Variants in GPR158 observed in about 807,000 individuals in gnomAD.
GPR158 encodes metabotropic glycine receptor.
Under a neutral mutation model 78.2 loss-of-function variants are expected in GPR158, and 30 were observed. The ratio of observed to expected loss-of-function variants is 0.38; its 90% CI spans 0.29 to 0.52. The LOEUF is 0.52. Ranked by LOEUF, GPR158 falls within the 20% of genes least tolerant of loss-of-function variation. The pLI, the probability that GPR158 is intolerant of heterozygous loss-of-function variation, is 0.83. For synonymous variants in GPR158, 581 were observed against 591.1 expected (o/e 0.98, Z 0.25); for missense variants, 1,463 against 1,523.5 (o/e 0.96, Z 0.66).
intron 2 of GPR158, among the ~76,000 whole-genome samples, chr10:25,256,796 G>C (rs1216014867): frequency 3.9e-5 from 6 of 152,150 alleles, no homozygotes; most frequent in Admixed American, 6.6e-5. Flanking sequence ...CAGCAAATCT[G>C]CAGATGAAAC....
chr10:25,411,016 G>T (rs1465912445), intron 3 of GPR158, among the ~76,000 whole-genome samples: 3 of 151,764 alleles, frequency 2.0e-5, no homozygotes, highest in African/African-American at 7.3e-5. Flanking sequence ...GTTAATCAAA[G>T]TTGTGTTATA....
Position 25,412,487 on chromosome 10 carries a change from C to A in GPR158, c.1335+14C>A. Reference sequence around the variant, plus strand: ...CGCAAAGCAAAGGTAAACCCAGGAACCCTGGTTATGATCCTGTATTACAGA... The same window carrying A: ...CGCAAAGCAAAGGTAAACCCAGGAAACCTGGTTATGATCCTGTATTACAGA... On this transcript the variant is annotated intron_variant, in intron 4 of 10. Transcript: ENST00000376351. 6.3e-7 allele frequency: 1 copy of A among 1,577,390 alleles called. No homozygotes were observed. Among genetic ancestry groups the A allele is most frequent in the Non-Finnish European group, 8.7e-7 (1 of 1,146,868 alleles).
intron 1 of GPR158, among the ~76,000 whole-genome samples, chr10:25,208,758 C>A (rs1191354746): frequency 6.6e-6 from 1 of 152,080 alleles, no homozygotes; most frequent in Non-Finnish European, 1.5e-5. Flanking sequence ...CCTGAATTAA[C>A]CTGCAAACCC....
intron 3 of GPR158, among the ~76,000 whole-genome samples, chr10:25,408,131 A>T (rs978562693): frequency 2.0e-5 from 3 of 152,238 alleles, no homozygotes; most frequent in Non-Finnish European, 4.4e-5. Context: ...AAATGTTGCC[A>T]ATGTCTTCCT....
At chr10:25,265,359 G>A in intron 2 of GPR158, among the ~76,000 whole-genome samples, 1 of 152,100 alleles carries the variant, frequency 6.6e-6, no homozygotes, top group East Asian at 1.9e-4. Flanking sequence ...GTTCCAGATT[G>A]TGCAGTTTCA....
At chr10:25,594,235 A>T in intron 8 of GPR158, 57 bp from the exon 9 acceptor site, 1 of 867,334 alleles carries the variant, frequency 1.2e-6, no homozygotes, top group East Asian at 2.4e-5. Context: ...AAGTAATCCT[A>T]GTGTTCTAAG....
intron 2 of GPR158, among the ~76,000 whole-genome samples, chr10:25,298,079 C>G (rs1037893225): frequency 6.6e-6 from 1 of 152,120 alleles, no homozygotes; most frequent in Non-Finnish European, 1.5e-5. Flanking sequence ...AATATTTAAA[C>G]AATAAGTGCT....
At chr10:25,309,805 G>A (rs1378467673) in intron 2 of GPR158, among the ~76,000 whole-genome samples, 1 of 152,144 alleles carries the variant, frequency 6.6e-6, no homozygotes, top group African/African-American at 2.4e-5. Flanking sequence ...CTGCCACCAT[G>A]TAAGATGTGC....
At chr10:25,321,937 G>A (rs1467277812) in intron 2 of GPR158, among the ~76,000 whole-genome samples, 1 of 152,070 alleles carries the variant, frequency 6.6e-6, no homozygotes. Context: ...AAAAGAGAGT[G>A]AAAATGTTTA....
At chr10:25,581,703 C>T (rs1005632447) in intron 7 of GPR158, among the ~76,000 whole-genome samples, 3 of 152,082 alleles carry the variant, frequency 2.0e-5, no homozygotes, top group Admixed American at 6.5e-5. Context: ...AGTGATGCAG[C>T]CCGAGGGAAG....
chr10:25,427,228 C>T (rs1435009644), intron 4 of GPR158, among the ~76,000 whole-genome samples: 2 of 151,950 alleles, frequency 1.3e-5, no homozygotes, highest in Non-Finnish European at 2.9e-5. Context: ...GGGAGAAGGT[C>T]GAACCACTGT....
intron 4 of GPR158, among the ~76,000 whole-genome samples, chr10:25,458,570 A>G (rs189398465): frequency 6.6e-6 from 1 of 152,324 alleles, no homozygotes; most frequent in Non-Finnish European, 1.5e-5. Context: ...TGAAAGATTC[A>G]TGAAGAACTA....
At position 25,176,432 on chromosome 10, in the gene GPR158, C is replaced by A; in HGVS notation, c.902+110C>A. The A allele has an allele frequency of 1.1e-6, 1 of 911,386 alleles. No individual in the cohort carries two copies. Among genetic ancestry groups the A allele is most frequent in the Non-Finnish European group, 1.6e-6 (1 of 618,006 alleles). The allele number at this position is 911,386 out of a possible 1,614,324, so 56.5% of individuals were successfully genotyped here. On this transcript the variant is annotated intron_variant, in intron 1 of 10. Transcript: ENST00000376351. The surrounding 1 kb of genome is among the most constrained non-coding windows in gnomAD (Gnocchi z 6.3). ...ACCCTTGGCTGTGACGCGAACGCTT[C>A]TCACCCTCAGAGTAGAGACCCGGGC... is the stretch of plus-strand genomic sequence containing the variant.
chr10:25,489,805 A>G (rs916725053), intron 5 of GPR158, among the ~76,000 whole-genome samples: 3 of 152,156 alleles, frequency 2.0e-5, no homozygotes, highest in East Asian at 1.9e-4. Context: ...GGACTTCTCT[A>G]TGGAAAAACT....
chr10:25,480,309 A>C (rs961174682), intron 5 of GPR158, among the ~76,000 whole-genome samples: 2 of 152,162 alleles, frequency 1.3e-5, no homozygotes, highest in Non-Finnish European at 2.9e-5. Context: ...TCTTTATTAT[A>C]ACCATTCTTT....
intron 2 of GPR158, among the ~76,000 whole-genome samples, chr10:25,365,890 A>C (rs2130540734): frequency 6.6e-6 from 1 of 151,674 alleles, no homozygotes; most frequent in East Asian, 1.9e-4. Context: ...CATCCTCCTC[A>C]CTGTTTCCCC....
chr10:25,512,803 T>A (rs186133329), intron 5 of GPR158, among the ~76,000 whole-genome samples: 3 of 152,142 alleles, frequency 2.0e-5, no homozygotes, highest in African/African-American at 7.2e-5. Flanking sequence ...TGATTTTTGC[T>A]TTTAATAACG....
At chr10:25,363,087 G>C (rs893585430) in intron 2 of GPR158, among the ~76,000 whole-genome samples, 4 of 151,366 alleles carry the variant, frequency 2.6e-5, no homozygotes, top group Non-Finnish European at 5.9e-5. Flanking sequence ...TTGATATCAA[G>C]AATCAATCTG....
At chr10:25,597,549 G>A (rs994943564) in intron 10 of GPR158, among the ~76,000 whole-genome samples, 1 of 152,038 alleles carries the variant, frequency 6.6e-6, no homozygotes, top group African/African-American at 2.4e-5. Context: ...GTTAGAATAC[G>A]TGAGTTCATG....
Sources: gnomAD v4.1 joint callset for allele counts (sites outside exome capture counted in the v4.1 genomes callset) on GRCh38, gnomAD v4.1.1 for gene constraint, Gnocchi (gnomAD v3.1) non-coding constraint, MANE v1.5 for transcripts, NCBI Gene and HGNC (gene_info 2026-07-23, HGNC 2026-07-21) for gene names.